The following FUT8 variants were observed in gnomAD, a reference collection of about 807,000 sequenced individuals.
FUT8 encodes alpha-(1,6)-fucosyltransferase.
Under a neutral mutation model 71.3 loss-of-function variants are expected in FUT8, and 29 were observed. The observed-to-expected ratio is 0.41, with a 90% CI of 0.30 to 0.55. The LOEUF (loss-of-function observed/expected upper bound fraction) is 0.55. Ranked by LOEUF, FUT8 falls within the 20% of genes least tolerant of loss-of-function variation. The pLI, the probability that FUT8 is intolerant of heterozygous loss-of-function variation, is 0.34. For missense variants in FUT8, 544 were observed against 702.1 expected (o/e 0.77, Z 2.55); for synonymous variants, 254 against 239.3 (o/e 1.06, Z -0.57).
chr14:65,512,537 A>G (rs771147890), intron 2 of FUT8, among the ~76,000 whole-genome samples: 8 of 152,158 alleles, frequency 5.3e-5, no homozygotes, highest in South Asian at 2.1e-4. Flanking sequence ...TATGTGGTGC[A>G]TGACTTTACT....
the FUT8 span, among the ~76,000 whole-genome samples, chr14:65,367,629 A>ACC: frequency 2.6e-5 from 4 of 152,204 alleles, no homozygotes; most frequent in Non-Finnish European, 4.4e-5. Context: ...CAAAGAAGGT[A>ACC]ATCCAGAAAC....
At chr14:65,633,773 CCT>C (rs1890359056) in intron 6 of FUT8, among the ~76,000 whole-genome samples, 2 of 151,658 alleles carry the variant, frequency 1.3e-5, no homozygotes, top group South Asian at 4.2e-4. Context: ...GTGAGGAGCC[CCT>C]CCGCCCGGCA....
intron 7 of FUT8, among the ~76,000 whole-genome samples, chr14:65,684,300 A>G (rs1170529060): frequency 6.6e-6 from 1 of 152,154 alleles, no homozygotes; most frequent in Non-Finnish European, 1.5e-5. Flanking sequence ...AAATTATTGC[A>G]TTTGCCATCT....
chr14:65,546,724 T>G (rs1458450552), intron 2 of FUT8, among the ~76,000 whole-genome samples: 1 of 151,856 alleles, frequency 6.6e-6, no homozygotes, highest in Non-Finnish European at 1.5e-5. Flanking sequence ...AGTATATATT[T>G]GCAAGAAATT....
chr14:65,492,743 A>G (rs2066500571), intron 2 of FUT8, among the ~76,000 whole-genome samples: 1 of 152,182 alleles, frequency 6.6e-6, no homozygotes, highest in Non-Finnish European at 1.5e-5. Context: ...AACATAATGT[A>G]AATGTCTATA....
At chr14:65,639,509 GACAC>G (rs10559310) in intron 6 of FUT8, among the ~76,000 whole-genome samples, 107 of 148,066 alleles carry the variant, frequency 7.2e-4, no homozygotes, top group African/African-American at 8.9e-4. Context: ...TTCAAATCCA[GACAC>G]ACACACACAC....
chr14:65,664,387 T>C (rs982218651), intron 6 of FUT8, among the ~76,000 whole-genome samples: 7 of 152,182 alleles, frequency 4.6e-5, no homozygotes, highest in Non-Finnish European at 1.0e-4. Flanking sequence ...AGTGTGAGAA[T>C]GCTTATTGCT....
chr14:65,482,314 T>C (rs2066343158), intron 2 of FUT8, among the ~76,000 whole-genome samples: 1 of 152,144 alleles, frequency 6.6e-6, no homozygotes, highest in African/African-American at 2.4e-5. Context: ...TTTGTTCCAC[T>C]GACCTCTTTG....
chr14:65,504,800 C>T (rs1225490864), intron 2 of FUT8, among the ~76,000 whole-genome samples: 7 of 152,196 alleles, frequency 4.6e-5, no homozygotes, highest in Non-Finnish European at 7.4e-5. Context: ...GTGATCTGCC[C>T]GCCTTGGCCT....
chr14:65,737,647 A>G (rs1413139477), intron 10 of FUT8, among the ~76,000 whole-genome samples: 1 of 152,166 alleles, frequency 6.6e-6, no homozygotes, highest in Non-Finnish European at 1.5e-5. Flanking sequence ...TTTTTCTGAA[A>G]TCTGACTTAA....
At position 65,562,682 on chromosome 14, in the gene FUT8, G is replaced by A. The variant is rs548239727; in HGVS notation, c.203+916G>A. On this transcript the variant is annotated intron_variant, in intron 3 of 10. Coordinates refer to ENST00000673929, the MANE Select transcript of FUT8 (RefSeq NM_001371533.1). ...AATCCTTACTCCAGAGGTGGTAATT[G>A]ACCCTAAGGGAAGTGGTATAGAGAA... is the stretch of plus-strand genomic sequence containing the variant. Among the ~76,000 whole-genome samples the A allele has an allele frequency of 8.1e-5, 11 of 135,504 alleles. No homozygotes were observed. In the East Asian group the frequency reaches 1.6e-3, roughly 20 times the overall value. The allele number at this position is 135,504 out of a possible 152,430, so 88.9% of individuals were successfully genotyped here.
rs1365150819 is a variant in FUT8, at chr14:65,520,249, G to A, written c.-227-41088G>A. Among the ~76,000 whole-genome samples, 65 of 151,976 alleles carry A rather than the reference G, an allele frequency of 4.3e-4. 1 individual carries two copies. The highest frequency in any genetic ancestry group is 2.1e-4 in the South Asian group (1 of 4,798). On this transcript the variant is annotated intron_variant, in intron 2 of 10. Coordinates refer to ENST00000673929, the MANE Select transcript of FUT8 (RefSeq NM_001371533.1). ...TCTACATAATTAAATGGCAAAGAAC[G>A]GAAGTTTTTAAGTTTTTTTGTATAC...
chr14:65,420,835 A>C (rs1198014826), intron 1 of FUT8, among the ~76,000 whole-genome samples: 1 of 152,116 alleles, frequency 6.6e-6, no homozygotes, highest in African/African-American at 2.4e-5. Flanking sequence ...GTCAACTAAC[A>C]CATTGTACCT....
intron 2 of FUT8, among the ~76,000 whole-genome samples, chr14:65,541,051 T>A (rs1383255479): frequency 6.6e-6 from 1 of 152,240 alleles, no homozygotes; most frequent in Non-Finnish European, 1.5e-5. Context: ...ATGAAGTGTT[T>A]ATAACCTTAT....
intron 1 of FUT8, among the ~76,000 whole-genome samples, chr14:65,448,550 A>G (rs554088511): frequency 6.6e-6 from 1 of 152,348 alleles, no homozygotes; most frequent in East Asian, 1.9e-4. Context: ...TAGAAGGGAT[A>G]TTGGTGAGTA....
chr14:65,539,616 CTAATAGAGA>C (rs1253227786), intron 2 of FUT8, among the ~76,000 whole-genome samples: 2 of 152,058 alleles, frequency 1.3e-5, no homozygotes, highest in African/African-American at 4.8e-5. Context: ...TATTTATGTA[CTAATAGAGA>C]TAATAGAGAA....
intron 2 of FUT8, chr14:65,488,544 T>C (rs1174006424): frequency 6.6e-6 from 1 of 152,244 alleles, no homozygotes; most frequent in East Asian, 1.9e-4. Flanking sequence ...CTGTGCTCCA[T>C]GTGATTTCTT....
At chr14:65,415,453 C>T (rs1434718967) in intron 1 of FUT8, among the ~76,000 whole-genome samples, 1 of 152,058 alleles carries the variant, frequency 6.6e-6, no homozygotes, top group African/African-American at 2.4e-5. Context: ...CTAAAATGTA[C>T]CCCCAAACTT....
chr14:65,636,144 C>T (rs1177360236), intron 6 of FUT8, among the ~76,000 whole-genome samples: 1 of 152,050 alleles, frequency 6.6e-6, no homozygotes, highest in Non-Finnish European at 1.5e-5. Context: ...CTCATAGTAG[C>T]CTTGAATGAT....
Sources: allele counts gnomAD v4.1 joint callset (sites outside exome capture counted in the v4.1 genomes callset), GRCh38; gene constraint gnomAD v4.1.1; transcripts MANE v1.5; gene names NCBI Gene and HGNC (gene_info 2026-07-23, HGNC 2026-07-21).